The following EFCAB13 variants were observed in gnomAD, a reference collection of about 807,000 sequenced individuals.
EFCAB13 encodes the protein EF-hand calcium-binding domain-containing protein 13.
Under a neutral mutation model 110.2 loss-of-function variants are expected in EFCAB13, and 91 were observed. That is an observed-to-expected ratio of 0.83 (90% CI 0.70 to 0.98). The LOEUF is 0.98. Ranked by LOEUF, EFCAB13 falls within the 50% of genes least tolerant of loss-of-function variation. EFCAB13 has a pLI of 0.00. For synonymous variants in EFCAB13, 323 were observed against 369.9 expected (o/e 0.87, Z 1.45); for missense variants, 968 against 1,119.4 (o/e 0.86, Z 1.93).
At chr17:47,340,779 T>TC (rs1938901104) in intron 5 of EFCAB13, among the ~76,000 whole-genome samples, 1 of 142,872 alleles carries the variant, frequency 7.0e-6, no homozygotes, top group East Asian at 2.1e-4. Flanking sequence ...TTTTTTTTTT[T>TC]TTTTTTTTTT....
At chr17:47,413,174 A>G (rs535205870) in intron 22 of EFCAB13, among the ~76,000 whole-genome samples, 30 of 152,308 alleles carry the variant, frequency 2.0e-4, no homozygotes, top group African/African-American at 7.0e-4. Flanking sequence ...AATACCATAA[A>G]TTGTATAATA....
chr17:47,395,829 T>C lies in EFCAB13; in HGVS notation c.1802-5T>C. 6.3e-7 allele frequency: 1 copy of C among 1,596,132 alleles called. No individual in the cohort carries two copies. The highest frequency in any genetic ancestry group is 8.5e-7 in the Non-Finnish European group (1 of 1,169,668). Reference sequence around the variant, plus strand: ...CGTAAAACTTGTGTTTTATCTACCCTTTAGTATTGCCTGATGCTATTGAAA... The same window carrying C: ...CGTAAAACTTGTGTTTTATCTACCCCTTAGTATTGCCTGATGCTATTGAAA... On this transcript the variant is annotated splice_polypyrimidine_tract_variant and splice_region_variant and intron_variant, in intron 16 of 24. Transcript: ENST00000331493.
chr17:47,437,815 G>C (rs1025858432), intron 24 of EFCAB13, among the ~76,000 whole-genome samples: 1 of 152,112 alleles, frequency 6.6e-6, no homozygotes, highest in African/African-American at 2.4e-5. Flanking sequence ...TTTGTTGTCT[G>C]AGTACTTTGG....
intron 9 of EFCAB13, among the ~76,000 whole-genome samples, chr17:47,360,195 T>C (rs1353314814): frequency 6.6e-6 from 1 of 152,132 alleles, no homozygotes; most frequent in Non-Finnish European, 1.5e-5. Flanking sequence ...CCTGAGGAAT[T>C]GCCACACTGA....
chr17:47,351,888 G>A (rs1271607185), intron 9 of EFCAB13, among the ~76,000 whole-genome samples: 3 of 146,494 alleles, frequency 2.0e-5, no homozygotes, highest in South Asian at 4.3e-4. Flanking sequence ...TTTTCCTTGG[G>A]TTTTCATGTA....
intron 23 of EFCAB13, among the ~76,000 whole-genome samples, chr17:47,422,414 G>A (rs1904753533): frequency 6.6e-6 from 1 of 152,074 alleles, no homozygotes; most frequent in Non-Finnish European, 1.5e-5. Context: ...GAATAAGAAA[G>A]ATAAGGATTA....
chr17:47,416,990 C>T (rs543378866), intron 23 of EFCAB13, among the ~76,000 whole-genome samples: 1 of 152,248 alleles, frequency 6.6e-6, no homozygotes, highest in Admixed American at 6.5e-5. Context: ...ATTTCAGACT[C>T]CCCCGAAACT....
intron 9 of EFCAB13, among the ~76,000 whole-genome samples, chr17:47,357,013 C>G (rs998040994): frequency 6.6e-6 from 1 of 152,202 alleles, no homozygotes; most frequent in Non-Finnish European, 1.5e-5. Context: ...TGGGGGAAAG[C>G]CAGCAGCGAT....
At chr17:47,352,949 T>C (rs2065461432) in intron 9 of EFCAB13, among the ~76,000 whole-genome samples, 1 of 152,204 alleles carries the variant, frequency 6.6e-6, no homozygotes. Context: ...ATTACCAAAT[T>C]TGTTTATCAA....
intron 2 of EFCAB13, among the ~76,000 whole-genome samples, chr17:47,325,923 A>AT (rs2065280385): frequency 1.6e-3 from 161 of 102,548 alleles, no homozygotes; most frequent in African/African-American, 5.8e-3. Flanking sequence ...ATATAAACAA[A>AT]ATATATATAT....
chr17:47,396,006 A>T (rs764787631), intron 17 of EFCAB13, 29 bp downstream of exon 17: 3 of 1,559,610 alleles, frequency 1.9e-6, no homozygotes. Context: ...AAAATTAAAA[A>T]GTATACCAAG....
intron 5 of EFCAB13, among the ~76,000 whole-genome samples, chr17:47,340,295 G>A (rs2065376652): frequency 6.6e-6 from 1 of 151,472 alleles, no homozygotes; most frequent in South Asian, 2.1e-4. Context: ...GGTACCACTA[G>A]GCAACCCAAT....
chr17:47,324,237 T>A lies in EFCAB13; in HGVS notation c.-318+163T>A, dbSNP rs559824866. 20 of 152,746 alleles carry A rather than the reference T, an allele frequency of 1.3e-4. No homozygotes were observed. The South Asian group carries it at 4.0e-3, about 30-fold the overall frequency. The allele number at this position is 152,746 out of a possible 1,614,324, so 9.5% of individuals were successfully genotyped here. On this transcript the variant is annotated intron_variant, in intron 1 of 24. Coordinates refer to ENST00000331493, the MANE Select transcript of EFCAB13 (RefSeq NM_152347.5). ...GAAGGAAGGTTCCAGAAAGGAACAG[T>A]GAGGGGACTGAGTGGGACAAAGGGG...
At chr17:47,421,157 A>G (rs1242738269) in intron 23 of EFCAB13, among the ~76,000 whole-genome samples, 1 of 152,004 alleles carries the variant, frequency 6.6e-6, no homozygotes, top group Non-Finnish European at 1.5e-5. Flanking sequence ...CCAACAGCTC[A>G]TTGAGAACGG....
chr17:47,352,572 C>T (rs2065459361), intron 9 of EFCAB13, among the ~76,000 whole-genome samples: 1 of 151,984 alleles, frequency 6.6e-6, no homozygotes. Context: ...TATTTGGGCT[C>T]CTTTAGTTCC....
intron 24 of EFCAB13, among the ~76,000 whole-genome samples, chr17:47,438,504 T>G (rs1027012085): frequency 4.0e-4 from 61 of 151,782 alleles, no homozygotes; most frequent in Non-Finnish European, 1.2e-4. Flanking sequence ...TATTCTTTTT[T>G]TTTTTTTTGT....
At chr17:47,366,723 C>T (rs1012519807) in intron 10 of EFCAB13, among the ~76,000 whole-genome samples, 7 of 152,230 alleles carry the variant, frequency 4.6e-5, no homozygotes, top group South Asian at 4.2e-4. Flanking sequence ...GATTCTCGAA[C>T]GCGTCTTTGG....
intron 23 of EFCAB13, among the ~76,000 whole-genome samples, chr17:47,420,094 C>T: frequency 6.6e-6 from 1 of 152,118 alleles, no homozygotes; most frequent in Non-Finnish European, 1.5e-5. Context: ...ATTGCAGGCG[C>T]ACGCCGCCAC....
chr17:47,440,857 A>C lies in EFCAB13; in HGVS notation c.*143A>C. On this transcript the variant is annotated 3_prime_UTR_variant, in exon 25 of 25. Transcript: ENST00000331493. ...TTTTATCACTATCTGTTATGTTCTC[A>C]TGTATCTTCAGCGACTCTCTTGATC... 3.2e-6 allele frequency: 2 copies of C among 623,116 alleles called. No homozygotes were observed. The highest frequency in any genetic ancestry group is 2.6e-6 in the Non-Finnish European group (1 of 389,254). 38.6% of individuals were successfully genotyped at this position (623,116 alleles called of 1,614,324 possible).
Sources: allele counts gnomAD v4.1 joint callset (sites outside exome capture counted in the v4.1 genomes callset), GRCh38; gene constraint gnomAD v4.1.1; transcripts MANE v1.5; gene names NCBI Gene and HGNC (gene_info 2026-07-23, HGNC 2026-07-21).